The following IL1RAPL1 variants were observed in gnomAD, a reference collection of about 807,000 sequenced individuals.
IL1RAPL1 encodes the protein interleukin-1 receptor accessory protein-like 1.
IL1RAPL1 carries 3 observed loss-of-function variants against 48.4 expected under a neutral mutation model. The ratio of observed to expected loss-of-function variants is 0.06; its 90% CI spans 0.03 to 0.16. The LOEUF is 0.16. Among genes scored for constraint, IL1RAPL1 ranks in the 10% least tolerant of loss-of-function variants. The pLI is 1.00. For missense variants in IL1RAPL1, 349 were observed against 530.6 expected (o/e 0.66, Z 3.36); for synonymous variants, 185 against 187.7 (o/e 0.99, Z 0.12).
intron 2 of IL1RAPL1, among the ~76,000 whole-genome samples, chrX:29,056,775 T>A (rs1185988658): frequency 8.9e-6 from 1 of 112,155 alleles, no homozygotes; most frequent in Non-Finnish European, 1.9e-5. Context: ...TTTTTCCTGA[T>A]GCTCATTTCT....
chrX:28,651,004 T>C lies in IL1RAPL1; in HGVS notation c.-25+62957T>C, dbSNP rs141023079. ...ATGACTTCATAAGCGGATAATTCCA[T>C]ACTTGGCCTCATGTGACTGGGTTTC... On this transcript the variant is annotated intron_variant, in intron 1 of 10. Transcript: ENST00000378993. Among the ~76,000 whole-genome samples the C allele has an allele frequency of 2.6e-3, 294 of 112,195 alleles. 1 individual carries two copies. The highest frequency in any genetic ancestry group is 9.1e-3 in the African/African-American group (282 of 30,940).
At chrX:29,351,878 A>G (rs748965108) in intron 3 of IL1RAPL1, among the ~76,000 whole-genome samples, 22 of 111,550 alleles carry the variant, frequency 2.0e-4, no homozygotes, top group Middle Eastern at 9.3e-3. Context: ...CCCATTTGTC[A>G]TAGCTTGCCT....
chrX:29,223,983 C>T (rs778870983), intron 2 of IL1RAPL1, among the ~76,000 whole-genome samples: 7 of 111,570 alleles, frequency 6.3e-5, no homozygotes, highest in South Asian at 7.6e-4. Flanking sequence ...CTCTCCTGTA[C>T]GCACACACAA....
chrX:28,920,062 A>G (rs190347573), intron 2 of IL1RAPL1, among the ~76,000 whole-genome samples: 43 of 112,042 alleles, frequency 3.8e-4, no homozygotes, highest in African/African-American at 1.3e-3. Flanking sequence ...TGGGGGATAC[A>G]ATGTACAACA....
At chrX:28,656,904 T>A (rs1173308270) in intron 1 of IL1RAPL1, among the ~76,000 whole-genome samples, 26 of 108,339 alleles carry the variant, frequency 2.4e-4, no homozygotes, top group Admixed American at 4.0e-4. Context: ...CGGGCGCCTG[T>A]AGTCCCAGCT....
At chrX:29,418,659 T>G (rs1934254085) in intron 5 of IL1RAPL1, among the ~76,000 whole-genome samples, 1 of 111,578 alleles carries the variant, frequency 9.0e-6, no homozygotes, top group Non-Finnish European at 1.9e-5. Context: ...AAGTAGAAGA[T>G]ATATGAAAAA....
chrX:29,570,727 C>G (rs1922564630), intron 5 of IL1RAPL1, among the ~76,000 whole-genome samples: 1 of 111,981 alleles, frequency 8.9e-6, no homozygotes, highest in South Asian at 3.7e-4. Context: ...GATTCCATTC[C>G]TATTCCATTT....
intron 5 of IL1RAPL1, among the ~76,000 whole-genome samples, chrX:29,505,534 G>GT (rs1341183514): frequency 2.6e-4 from 28 of 107,159 alleles, no homozygotes; most frequent in Admixed American, 3.0e-4. Flanking sequence ...TTGAATGGCA[G>GT]TTTTTTTTTT....
chrX:28,947,749 G>C (rs1015413170), intron 2 of IL1RAPL1, among the ~76,000 whole-genome samples: 4 of 111,240 alleles, frequency 3.6e-5, no homozygotes, highest in African/African-American at 1.3e-4. Flanking sequence ...AATACATCAG[G>C]AAAACAAGTA....
chrX:29,951,411 A>C (rs1199375583), intron 9 of IL1RAPL1, among the ~76,000 whole-genome samples: 1 of 112,191 alleles, frequency 8.9e-6, no homozygotes, highest in Non-Finnish European at 1.9e-5. Flanking sequence ...TTATTTAGAC[A>C]ATAAGTAGCC....
intron 6 of IL1RAPL1, among the ~76,000 whole-genome samples, chrX:29,669,235 T>C (rs1206319100): frequency 8.9e-6 from 1 of 111,815 alleles, no homozygotes; most frequent in African/African-American, 3.2e-5. Context: ...GGTCTTATTT[T>C]ATTTGAAATG....
In IL1RAPL1 at chrX:29,320,847, G is replaced by C. The variant is rs183963336; in HGVS notation, c.362+37630G>C. Among the ~76,000 whole-genome samples the C allele has an allele frequency of 5.0e-3, 550 of 110,301 alleles. 3 individuals are homozygous for C. Among genetic ancestry groups the C allele is most frequent in the African/African-American group, 0.017 (512 of 30,364 alleles). On this transcript the variant is annotated intron_variant, in intron 3 of 10. Transcript: ENST00000378993. ...AAAAATATATTTGAGCATATTTAGG[G>C]CCTCATAATCATGCATAGAGGAAAT...
chrX:29,403,113 A>G (rs1474318933), intron 5 of IL1RAPL1, among the ~76,000 whole-genome samples: 6 of 112,262 alleles, frequency 5.3e-5, no homozygotes, highest in Non-Finnish European at 9.4e-5. Flanking sequence ...CTGAGAGCAG[A>G]ATGTCCACAT....
intron 6 of IL1RAPL1, among the ~76,000 whole-genome samples, chrX:29,816,773 T>TC (rs756036635): frequency 0.019 from 2,092 of 108,624 alleles, 43 homozygotes; most frequent in African/African-American, 0.064. Flanking sequence ...TTTTCCTTCC[T>TC]CCCCCCCCAC....
chrX:28,682,057 C>T (rs1462304373), intron 1 of IL1RAPL1, among the ~76,000 whole-genome samples: 3 of 111,303 alleles, frequency 2.7e-5, no homozygotes, highest in East Asian at 5.7e-4. Context: ...CGTGACTTTT[C>T]GTGTCTGGCT....
intron 1 of IL1RAPL1, among the ~76,000 whole-genome samples, chrX:28,640,819 C>T: frequency 9.0e-6 from 1 of 110,972 alleles, no homozygotes; most frequent in Non-Finnish European, 1.9e-5. Flanking sequence ...CAAAATTTTG[C>T]CCTTTAATTG....
chrX:29,365,003 TGAA>T (rs1048226698), intron 3 of IL1RAPL1, among the ~76,000 whole-genome samples: 21 of 112,378 alleles, frequency 1.9e-4, no homozygotes, highest in Non-Finnish European at 3.2e-4. Context: ...CAATCTACGT[TGAA>T]GAAAATAAAA....
intron 6 of IL1RAPL1, among the ~76,000 whole-genome samples, chrX:29,820,249 T>C (rs1026575188): frequency 9.1e-6 from 1 of 110,420 alleles, no homozygotes; most frequent in Admixed American, 9.8e-5. Context: ...GTATATCATA[T>C]GAAAGAGATG....
intron 6 of IL1RAPL1, among the ~76,000 whole-genome samples, chrX:29,797,939 C>T (rs764567481): frequency 8.5e-4 from 95 of 111,823 alleles, no homozygotes; most frequent in African/African-American, 3.0e-3. Flanking sequence ...CTCAGCGCCC[C>T]AAGCCAGTGG....
Sources: gnomAD v4.1 joint callset for allele counts (sites outside exome capture counted in the v4.1 genomes callset) on GRCh38, gnomAD v4.1.1 for gene constraint, MANE v1.5 for transcripts, NCBI Gene and HGNC (gene_info 2026-07-23, HGNC 2026-07-21) for gene names.